The following TSC2 variants were observed in gnomAD, a reference collection of about 807,000 sequenced individuals.
TSC2 encodes the protein tuberin.
A neutral mutation model predicts 202.2 loss-of-function variants in TSC2; 29 were observed. That is an observed-to-expected ratio of 0.14 (90% CI 0.11 to 0.20). The LOEUF (loss-of-function observed/expected upper bound fraction) is 0.20. Ranked by LOEUF, TSC2 falls within the 10% of genes least tolerant of loss-of-function variation. The pLI is 1.00. For synonymous variants in TSC2, 1,349 were observed against 1,044.0 expected, an observed-to-expected ratio of 1.29 and a Z score of -5.63; for missense variants, 2,429 against 2,420.0, an observed-to-expected ratio of 1.00 and a Z score of -0.08.
chr16:2,063,205 C>T, intron 14 of TSC2, 152 bp downstream of exon 14: 1 of 914,464 alleles, frequency 1.1e-6, no homozygotes, highest in Non-Finnish European at 1.7e-6. Context: ...TCTGTTTACC[C>T]CTGTTCATTC....
At position 2,079,470 on chromosome 16, in the gene TSC2, A is replaced by G; in HGVS notation, c.3284+42A>G. 1 of 1,611,896 alleles carries G rather than the reference A, an allele frequency of 6.2e-7. No individual in the cohort carries two copies. Among genetic ancestry groups the G allele is most frequent in the Non-Finnish European group, 8.5e-7 (1 of 1,179,596 alleles). On this transcript the variant is annotated intron_variant, in intron 28 of 41. Coordinates refer to ENST00000219476, the MANE Select transcript of TSC2 (RefSeq NM_000548.5). This position sits in a 1 kb window ranked among gnomAD's most constrained non-coding sequence, Gnocchi z 4.6. ...TTCCTCCGCGCCTGCCAGCCTCGAC[A>G]CCGGCTGTCCCGAGCCCAGGCCCAC...
At chr16:2,060,581 G>C in intron 10 of TSC2, 89 bp from the exon 11 acceptor site, 2 of 1,605,922 alleles carry the variant, frequency 1.2e-6, no homozygotes, top group Non-Finnish European at 1.7e-6. Context: ...GCTCAGGCGT[G>C]CTACTCTCGG....
In TSC2 at chr16:2,081,609, C is replaced by T. The variant is rs1466425189; in HGVS notation, c.3625C>T (p.Leu1209=). ...CGCCTCCGCAGGGAACACCAGCTGG[C>T]TGATGAGCCTGGAGAACCCGCTCAG... ...VRRPTGNTSW[L]MSLENPLSPF... The change falls in exon 31 of 42, where the codon CTG becomes TTG. Residue 1209 remains leucine (L), a synonymous_variant. Transcript: ENST00000219476. The T allele has an allele frequency of 1.9e-6, 3 of 1,612,758 alleles. No homozygotes were observed. The highest frequency in any genetic ancestry group is 1.3e-5 in the African/African-American group (1 of 74,938).
chr16:2,085,070 C>G (rs142227748), intron 35 of TSC2, 44 bp downstream of exon 35: 1 of 1,610,972 alleles, frequency 6.2e-7, no homozygotes, highest in East Asian at 2.2e-5. Context: ...AGCTGTGTGG[C>G]TCGGGTGAAT....
At position 2,050,423 on chromosome 16, in the gene TSC2, C is replaced by T. The variant is rs2150995523; in HGVS notation, c.162C>T (p.Leu54=). 6.2e-7 allele frequency: 1 copy of T among 1,613,822 alleles called. No homozygotes were observed. Among genetic ancestry groups the T allele is most frequent in the South Asian group, 1.1e-5 (1 of 91,076 alleles). Residue 54 remains leucine (L), a synonymous_variant, in exon 3 of 42, where the codon CTC becomes CTT. Transcript: ENST00000219476. ...AGGAACTGAGCATGGAATGTGGCCT[C>T]AACAATCGCATCCGGATGATAGGGC... The part of the protein sequence containing the change: ...ILRELSMECG[L]NNRIRMIGQI...
Position 2,048,234 on chromosome 16 carries a change from C to T in TSC2, c.-30+169C>T, listed in dbSNP as rs748145007. The T allele has an allele frequency of 9.1e-6, 13 of 1,426,620 alleles. No homozygotes were observed. In the South Asian group the frequency reaches 1.1e-4, roughly 12 times the overall value. 88.4% of individuals were successfully genotyped at this position (1,426,620 alleles called of 1,614,324 possible). On this transcript the variant is annotated intron_variant, in intron 1 of 41. Coordinates refer to ENST00000219476, the MANE Select transcript of TSC2 (RefSeq NM_000548.5). ...AGTCATGGCGGGTGCGAACGGGTCT[C>T]TGCTGCAGGCGGCTCCGTGACAGCT...
intron 2 of TSC2, among the ~76,000 whole-genome samples, chr16:2,049,167 C>A (rs1237127150): frequency 2.0e-5 from 3 of 152,024 alleles, no homozygotes; most frequent in Non-Finnish European, 4.4e-5. Flanking sequence ...CTCGCTGCTA[C>A]CTCTGCCTCC....
rs1317547760 is a variant in TSC2 at position 2,048,033 on chromosome 16, G to A, written c.-62G>A. On this transcript the variant is annotated 5_prime_UTR_variant, in exon 1 of 42. Transcript: ENST00000219476. ...AGGGGGGTGCGCCTTTCTCCGCGTC[G>A]GGGCGGCCCGGAGCGCGGTGGCGCG... The A allele has an allele frequency of 7.0e-7, 1 of 1,432,084 alleles. No homozygotes were observed. The highest frequency in any genetic ancestry group is 9.1e-7 in the Non-Finnish European group (1 of 1,100,266). 88.7% of individuals were successfully genotyped at this position (1,432,084 alleles called of 1,614,324 possible).
chr16:2,083,276 C>T (rs1567516348), intron 32 of TSC2: 1 of 459,644 alleles, frequency 2.2e-6, no homozygotes, highest in Non-Finnish European at 4.4e-6. Context: ...CTCTTGGGAG[C>T]AGTCTGTTTG....
At chr16:2,072,155 G>T in intron 19 of TSC2, 86 bp from the exon 20 acceptor site, 1 of 1,603,804 alleles carries the variant, frequency 6.2e-7, no homozygotes, top group Non-Finnish European at 8.5e-7. Flanking sequence ...ACGCTGTGCA[G>T]CCACAAAGCA....
In TSC2 at chr16:2,079,059, C is replaced by T. The variant is rs2151430926; in HGVS notation, c.2994C>T (p.Ala998=). 7.4e-6 allele frequency: 12 copies of T among 1,612,942 alleles called. No individual in the cohort carries two copies. Among genetic ancestry groups the T allele is most frequent in the Non-Finnish European group, 9.3e-6 (11 of 1,180,026 alleles). The change falls in exon 27 of 42, where the codon GCC becomes GCT. Residue 998 remains alanine, a synonymous_variant. Transcript: ENST00000219476. The surrounding 1 kb of genome is among the most constrained non-coding windows in gnomAD (Gnocchi z 4.6). ...RSRIQTSLTS[A]SLGSADENSV... is the part of the protein sequence containing the mutation. ...GGATACAGACGTCCCTCACCAGTGC[C>T]AGCTTGGGGTCTGCAGATGAGAACT...
At chr16:2,077,830 T>C in intron 26 of TSC2, 104 bp downstream of exon 26, 1 of 1,574,038 alleles carries the variant, frequency 6.4e-7, no homozygotes, top group Non-Finnish European at 8.6e-7. Context: ...CGTCTGCCCG[T>C]GTCCTCCCTG....
At chr16:2,052,032 T>G (rs964206645) in intron 3 of TSC2, among the ~76,000 whole-genome samples, 1 of 152,184 alleles carries the variant, frequency 6.6e-6, no homozygotes, top group Admixed American at 6.5e-5. Context: ...GCCATTGCAC[T>G]GCAGCCTGGG....
At chr16:2,081,907 G>C (rs541011354) in intron 31 of TSC2, 109 bp downstream of exon 31, 1 of 1,434,060 alleles carries the variant, frequency 7.0e-7, no homozygotes, top group East Asian at 2.5e-5. Context: ...GGCTGGGAGT[G>C]GTCCCTGGCC....
At position 2,084,760 on chromosome 16, in the gene TSC2, G is replaced by A. The variant is rs113427025; in HGVS notation, c.4493+45G>A. On this transcript the variant is annotated intron_variant, in intron 34 of 41. Transcript: ENST00000219476. ...GCGGGGCTCCTGACACCTCTCCTGC[G>A]GGAACCTGGTGCCTCACTTGCCCCA... 18 of 1,598,324 alleles carry A rather than the reference G, an allele frequency of 1.1e-5. 1 individual carries two copies. Among genetic ancestry groups the A allele is most frequent in the African/African-American group, 4.0e-5 (3 of 75,034 alleles).
intron 14 of TSC2, 61 bp downstream of exon 14, chr16:2,063,114 T>C: frequency 6.5e-7 from 1 of 1,538,110 alleles, no homozygotes; most frequent in East Asian, 2.4e-5. Flanking sequence ...GCGGGCTGTC[T>C]CTGTTGTGCA....
chr16:2,066,651 CTTTTTTTTTTTTT>C lies in TSC2; in HGVS notation c.1716+1028_1716+1040del, dbSNP rs34619573. On this transcript the variant is annotated intron_variant, in intron 16 of 41. Coordinates refer to ENST00000219476, the MANE Select transcript of TSC2 (RefSeq NM_000548.5). ...GCAGCATGTAAGGGTTCTGATTTAT[CTTTTTTTTTTTTT>C]TTTTTTTTTTTGATACAGTCTCACT... Among the ~76,000 whole-genome samples the C allele has an allele frequency of 6.1e-3, 600 of 98,496 alleles. 9 individuals carry two copies. Among genetic ancestry groups the C allele is most frequent in the African/African-American group, 0.022 (567 of 26,094 alleles). 64.6% of individuals were successfully genotyped at this position (98,496 alleles called of 152,430 possible).
At position 2,075,878 on chromosome 16, in the gene TSC2, C is replaced by T. The variant is rs1475326651; in HGVS notation, c.2625C>T (p.Tyr875=). The part of the protein sequence containing the change: ...YASVFAISLP[Y]TNPSKFNQYI... ...GTGTGTTCGCCATCTCCCTGCCGTA[C>T]ACCAACCCCTCCAAGTGAGTGGTCG... The change falls in exon 23 of 42, where the codon TAC becomes TAT. Residue 875 remains tyrosine, a synonymous_variant. Coordinates refer to ENST00000219476, the MANE Select transcript of TSC2 (RefSeq NM_000548.5). The T allele has an allele frequency of 1.2e-6, 2 of 1,613,058 alleles. No homozygotes were observed. Among genetic ancestry groups the T allele is most frequent in the African/African-American group, 1.3e-5 (1 of 74,932 alleles).
chr16:2,056,273 C>G (rs1249111264), intron 7 of TSC2, 29 bp downstream of exon 7: 2 of 1,613,526 alleles, frequency 1.2e-6, no homozygotes, highest in African/African-American at 1.3e-5. Context: ...CAGGGCCGGC[C>G]CATTTCACCC....
Sources: gnomAD v4.1 joint callset for allele counts (sites outside exome capture counted in the v4.1 genomes callset) on GRCh38, gnomAD v4.1.1 for gene constraint, Gnocchi (gnomAD v3.1) non-coding constraint, MANE v1.5 for transcripts, NCBI Gene and HGNC (gene_info 2026-07-23, HGNC 2026-07-21) for gene names.